The following TENM4 variants were observed in gnomAD, a reference collection of about 807,000 sequenced individuals.
TENM4 encodes teneurin transmembrane protein 4.
A neutral mutation model predicts 243.3 loss-of-function variants in TENM4; 82 were observed. The ratio of observed to expected loss-of-function variants is 0.34; its 90% confidence interval spans 0.28 to 0.40. The LOEUF is 0.40. Among genes scored for constraint, TENM4 ranks in the 10% least tolerant of loss-of-function variants. TENM4 has a pLI of 1.00. For synonymous variants in TENM4, 1,412 were observed against 1,456.3 expected (o/e 0.97, Z 0.69); for missense variants, 3,138 against 3,673.3 (o/e 0.85, Z 3.77).
At chr11:79,330,195 T>G (rs1468555825) in intron 1 of TENM4, among the ~76,000 whole-genome samples, 1 of 152,216 alleles carries the variant, frequency 6.6e-6, no homozygotes, top group Non-Finnish European at 1.5e-5. Flanking sequence ...CAAGCAACTC[T>G]TGAAGCTGGT....
intron 1 of TENM4, among the ~76,000 whole-genome samples, chr11:79,321,382 C>T (rs1856885947): frequency 6.6e-6 from 1 of 152,164 alleles, no homozygotes; most frequent in South Asian, 2.1e-4. Flanking sequence ...AATGCTTCTC[C>T]TCAGAGCATG....
rs138426058 is a variant in TENM4 at position 79,108,125 on chromosome 11, G to A, written c.-65-38116C>T. ...TAATGGGAGGAACTGGAGACCATCT[G>A]GGATGCTTAGTTTTGTGTCAATGTG... On this transcript the variant is annotated intron_variant, in intron 4 of 33. Coordinates refer to ENST00000278550, the MANE Select transcript of TENM4 (RefSeq NM_001098816.3). Among the ~76,000 whole-genome samples, 365 of 152,282 alleles carry A rather than the reference G, an allele frequency of 2.4e-3. 3 individuals are homozygous for A. Among genetic ancestry groups the A allele is most frequent in the African/African-American group, 8.3e-3 (343 of 41,564 alleles).
At chr11:79,156,627 CT>C (rs779491808) in intron 3 of TENM4, among the ~76,000 whole-genome samples, 5 of 152,184 alleles carry the variant, frequency 3.3e-5, no homozygotes, top group Non-Finnish European at 7.3e-5. Context: ...GAGGTCCATC[CT>C]GAGCTTCCAG....
At chr11:79,174,176 G>C (rs142454132) in intron 3 of TENM4, among the ~76,000 whole-genome samples, 1 of 151,972 alleles carries the variant, frequency 6.6e-6, no homozygotes, top group Non-Finnish European at 1.5e-5. Flanking sequence ...TGGTCTCCCC[G>C]CCCCCACAGC....
intron 3 of TENM4, among the ~76,000 whole-genome samples, chr11:79,161,231 C>G (rs952146257): frequency 2.0e-5 from 3 of 152,318 alleles, no homozygotes; most frequent in South Asian, 2.1e-4. Flanking sequence ...CTACTAATCC[C>G]AGGAGGAAAC....
intron 1 of TENM4, among the ~76,000 whole-genome samples, chr11:79,385,514 T>C (rs1858093273): frequency 6.6e-6 from 1 of 152,174 alleles, no homozygotes; most frequent in South Asian, 2.1e-4. Flanking sequence ...ACTTCTATAA[T>C]CAAAAATGCA....
intron 18 of TENM4, 120 bp from the exon 19 acceptor site, chr11:78,757,141 G>T: frequency 1.9e-6 from 2 of 1,066,068 alleles, no homozygotes; most frequent in Non-Finnish European, 2.7e-6. Flanking sequence ...ATTAAATGCT[G>T]ATATAAGCCA....
chr11:78,695,413 G>A (rs953561163), intron 28 of TENM4, among the ~76,000 whole-genome samples: 4 of 152,168 alleles, frequency 2.6e-5, no homozygotes, highest in African/African-American at 9.7e-5. Context: ...TGCCCAGGCT[G>A]GAGTGCAATG....
At chr11:79,391,873 G>C (rs77749926) in intron 1 of TENM4, among the ~76,000 whole-genome samples, 12,930 of 152,120 alleles carry the variant, frequency 0.085, 587 homozygotes, top group Non-Finnish European at 0.11. Flanking sequence ...ATTTCTATGG[G>C]ACAGCTGTGA....
intron 4 of TENM4, among the ~76,000 whole-genome samples, chr11:79,112,404 T>C (rs1469420810): frequency 6.6e-6 from 1 of 151,936 alleles, no homozygotes; most frequent in Non-Finnish European, 1.5e-5. Flanking sequence ...GGCTGCTGCA[T>C]ATGGTTGGGC....
intron 1 of TENM4, among the ~76,000 whole-genome samples, chr11:79,317,323 C>T (rs984880031): frequency 2.0e-5 from 3 of 152,178 alleles, no homozygotes; most frequent in Admixed American, 6.5e-5. Flanking sequence ...TCAGCTTGGA[C>T]ACTTTCACTT....
chr11:79,362,001 G>A (rs1039849423), intron 1 of TENM4, among the ~76,000 whole-genome samples: 1 of 152,306 alleles, frequency 6.6e-6, no homozygotes, highest in African/African-American at 2.4e-5. Context: ...TTTGTGACAA[G>A]TATCAGATGT....
intron 6 of TENM4, among the ~76,000 whole-genome samples, chr11:78,992,262 C>T (rs73502677): frequency 0.019 from 2,958 of 152,262 alleles, 113 homozygotes; most frequent in African/African-American, 0.068. Context: ...GGCACATGGA[C>T]TTTTTGTTGC....
chr11:79,436,892 C>T (rs1859282512), intron 1 of TENM4, among the ~76,000 whole-genome samples: 2 of 152,240 alleles, frequency 1.3e-5, no homozygotes, highest in African/African-American at 4.8e-5. Flanking sequence ...CCTTCCGCAC[C>T]CTGCCCTCCC....
chr11:79,055,162 T>C (rs1392690282), intron 6 of TENM4, among the ~76,000 whole-genome samples: 3 of 151,860 alleles, frequency 2.0e-5, no homozygotes, highest in Non-Finnish European at 2.9e-5. Context: ...GAATAAAAAG[T>C]TTACAAAATA....
intron 6 of TENM4, among the ~76,000 whole-genome samples, chr11:79,054,227 T>C (rs1859880668): frequency 6.6e-6 from 1 of 152,172 alleles, no homozygotes. Context: ...AGAGGAGAGA[T>C]GTACAGGTTC....
At chr11:79,274,876 C>T (rs543305890) in intron 2 of TENM4, among the ~76,000 whole-genome samples, 1 of 152,262 alleles carries the variant, frequency 6.6e-6, no homozygotes, top group Non-Finnish European at 1.5e-5. Context: ...TGCCATGTGA[C>T]CTTAGCCAGA....
intron 4 of TENM4, among the ~76,000 whole-genome samples, chr11:79,075,346 A>T (rs1860513609): frequency 6.6e-6 from 1 of 152,206 alleles, no homozygotes; most frequent in South Asian, 2.1e-4. Context: ...CAGTGATAGA[A>T]TGAGCTCCAG....
chr11:79,386,760 TTTA>T (rs971012703), intron 1 of TENM4, among the ~76,000 whole-genome samples: 17 of 113,642 alleles, frequency 1.5e-4, no homozygotes, highest in Non-Finnish European at 3.1e-4. Context: ...TTTTTTTTTT[TTTA>T]AGTGAGCAAA....
Sources: allele counts gnomAD v4.1 joint callset (sites outside exome capture counted in the v4.1 genomes callset), GRCh38; gene constraint gnomAD v4.1.1; transcripts MANE v1.5; gene names NCBI Gene and HGNC (gene_info 2026-07-23, HGNC 2026-07-21).